ARID1A: variants seen among roughly 807,000 people sequenced by gnomAD.
The protein encoded by ARID1A is AT-rich interaction domain 1A.
Under a neutral mutation model 212.6 loss-of-function variants are expected in ARID1A, and 20 were observed. The observed-to-expected ratio is 0.09, with a 90% confidence interval of 0.07 to 0.14. ARID1A has a LOEUF of 0.14. ARID1A is among the 10% of genes least tolerant of loss of function. The pLI is 1.00. For missense variants in ARID1A, 2,587 were observed against 3,059.0 expected, an observed-to-expected ratio of 0.85 and a Z score of 3.64; for synonymous variants, 1,376 against 1,222.1, an observed-to-expected ratio of 1.13 and a Z score of -2.63.
chr1:26,778,958 G>A (rs2124135899), intron 19 of ARID1A, 65 bp from the exon 20 acceptor site: 2 of 1,456,674 alleles, frequency 1.4e-6, no homozygotes, highest in Non-Finnish European at 1.8e-6. Context: ...GGTCTCTCAA[G>A]TCAATAATTC....
intron 1 of ARID1A, among the ~76,000 whole-genome samples, chr1:26,716,492 G>C (rs1197836912): frequency 6.6e-6 from 1 of 152,136 alleles, no homozygotes. Flanking sequence ...GGGTGGCTTT[G>C]TAGTCTTGAG....
intron 1 of ARID1A, among the ~76,000 whole-genome samples, chr1:26,706,596 A>T (rs1296141469): frequency 1.3e-5 from 2 of 152,146 alleles, no homozygotes; most frequent in Non-Finnish European, 2.9e-5. Flanking sequence ...CACGTGGTAG[A>T]GGGATTAAAG....
chr1:26,701,298 C>A (rs192677172), intron 1 of ARID1A, among the ~76,000 whole-genome samples: 1 of 152,228 alleles, frequency 6.6e-6, no homozygotes, highest in Admixed American at 6.5e-5. Context: ...ATATTGGCAC[C>A]GAGTAGTTCT....
chr1:26,724,783 C>T (rs2080600954), intron 1 of ARID1A, among the ~76,000 whole-genome samples: 1 of 152,118 alleles, frequency 6.6e-6, no homozygotes, highest in Non-Finnish European at 1.5e-5. Flanking sequence ...GGGGAACTCC[C>T]TATGCAAGGG....
rs140995669 is a variant in ARID1A at position 26,702,767 on chromosome 1, C to T, written c.1137+5227C>T. Among the ~76,000 whole-genome samples, 620 of 152,264 alleles carry T rather than the reference C, an allele frequency of 4.1e-3. 4 individuals are homozygous for T. The highest frequency in any genetic ancestry group is 0.01 in the Middle Eastern group (3 of 294). On this transcript the variant is annotated intron_variant, in intron 1 of 19. Coordinates refer to ENST00000324856, the MANE Select transcript of ARID1A (RefSeq NM_006015.6). The stretch of plus-strand genomic sequence containing the variant: ...AAAAAATTGAAATGGAAAGATGCTG[C>T]CCTGGTAGTGAAACCTCTGTGGCCC...
intron 4 of ARID1A, among the ~76,000 whole-genome samples, chr1:26,738,511 C>A (rs1327291946): frequency 3.9e-5 from 6 of 152,128 alleles, no homozygotes; most frequent in Non-Finnish European, 7.4e-5. Flanking sequence ...AATAGATGAA[C>A]CTGAGCAGCA....
chr1:26,763,022 C>T lies in ARID1A; in HGVS notation c.2469C>T (p.Tyr823=), dbSNP rs2081006772. 1.2e-6 allele frequency: 2 copies of T among 1,612,482 alleles called. No individual in the cohort carries two copies. The highest frequency in any genetic ancestry group is 2.2e-5 in the East Asian group (1 of 44,810). ...ATAATGCCTTGCCCAATGCCAACTA[C>T]CCCAGTGCAGGCATGGCTGGAGGCA... ...PNYNALPNAN[Y]PSAGMAGGIN... Residue 823 remains tyrosine, a synonymous_variant, in exon 8 of 20, where the codon TAC becomes TAT. Transcript: ENST00000324856.
intron 4 of ARID1A, among the ~76,000 whole-genome samples, chr1:26,741,865 T>C (rs1355770309): frequency 6.6e-6 from 1 of 152,234 alleles, no homozygotes; most frequent in Non-Finnish European, 1.5e-5. Flanking sequence ...GCTGAGATCT[T>C]GGAATTACAT....
At chr1:26,708,758 G>A (rs962971149) in intron 1 of ARID1A, among the ~76,000 whole-genome samples, 4 of 151,266 alleles carry the variant, frequency 2.6e-5, no homozygotes, top group Admixed American at 6.6e-5. Flanking sequence ...GCAGTGGCGC[G>A]ATCTTGGCCC....
In ARID1A at chr1:26,713,247, C is replaced by G. The variant is rs529998373; in HGVS notation, c.1137+15707C>G. ...TTTTCTCCTTTGATGTCTAACTCTG[C>G]ATTAGTAGAATGCAGAGCACATGGA... On this transcript the variant is annotated intron_variant, in intron 1 of 19. Transcript: ENST00000324856. 2.6e-4 allele frequency among the ~76,000 whole-genome samples: 39 copies of G among 152,122 alleles called. No homozygotes were observed. In the East Asian group the frequency reaches 6.4e-3, roughly 25 times the overall value.
Position 26,773,343 on chromosome 1 carries a change from C to T in ARID1A, c.3716-3C>T, listed in dbSNP as rs530720503. The T allele has an allele frequency of 1.1e-5, 17 of 1,566,996 alleles. No individual in the cohort carries two copies. The South Asian group carries it at 1.7e-4, about 15-fold the overall frequency. ...TGTTCACCGCTTGCCTTTCTACGCT[C>T]AGCTCCAGGGAGTGATCCCTTCATG... On this transcript the variant is annotated splice_polypyrimidine_tract_variant and splice_region_variant and intron_variant, in intron 14 of 19. Coordinates refer to ENST00000324856, the MANE Select transcript of ARID1A (RefSeq NM_006015.6).
chr1:26,766,198 T>C, intron 8 of ARID1A, 23 bp from the exon 9 acceptor site: 2 of 1,609,998 alleles, frequency 1.2e-6, no homozygotes, highest in South Asian at 1.1e-5. Context: ...TTTGTCTCTC[T>C]CACTTTCCAT....
chr1:26,747,727 G>A (rs2080851007), intron 4 of ARID1A, among the ~76,000 whole-genome samples: 1 of 151,682 alleles, frequency 6.6e-6, no homozygotes, highest in Non-Finnish European at 1.5e-5. Flanking sequence ...GTGCATGCCT[G>A]TAGTCCTGGC....
chr1:26,781,368 C>A lies in ARID1A; in HGVS notation c.*612C>A, dbSNP rs2081193114. 1 of 232,856 alleles carries A rather than the reference C, an allele frequency of 4.3e-6. No homozygotes were observed. Among genetic ancestry groups the A allele is most frequent in the Admixed American group, 5.6e-5 (1 of 17,724 alleles). 14.4% of individuals were successfully genotyped at this position (232,856 alleles called of 1,614,324 possible). A position where few individuals can be genotyped will look rare whatever the true frequency, so the allele number is the denominator to read the frequency against. On this transcript the variant is annotated 3_prime_UTR_variant, in exon 20 of 20. Transcript: ENST00000324856. The stretch of plus-strand genomic sequence containing the variant: ...CTGTACACCTGATACTGTAAACATA[C>A]TGTAATAATAATGTCTCACATGGAA...
At chr1:26,703,736 C>A (rs1042095532) in intron 1 of ARID1A, among the ~76,000 whole-genome samples, 6 of 152,196 alleles carry the variant, frequency 3.9e-5, no homozygotes, top group Non-Finnish European at 5.9e-5. Flanking sequence ...TCAGAGAGAT[C>A]AGGAAATTCC....
At chr1:26,721,909 G>C (rs372659669) in intron 1 of ARID1A, among the ~76,000 whole-genome samples, 168 of 152,230 alleles carry the variant, frequency 1.1e-3, no homozygotes, top group African/African-American at 3.9e-3. Context: ...ATTGAGTTTT[G>C]CTACATGATT....
At chr1:26,735,267 A>G (rs1209571953) in intron 4 of ARID1A, among the ~76,000 whole-genome samples, 20 of 151,656 alleles carry the variant, frequency 1.3e-4, no homozygotes, top group African/African-American at 4.6e-4. Context: ...CTGGGTTTAC[A>G]GGTGCTCGCC....
chr1:26,722,955 G>T (rs773895484), intron 1 of ARID1A, among the ~76,000 whole-genome samples: 12 of 152,090 alleles, frequency 7.9e-5, no homozygotes, highest in Non-Finnish European at 1.5e-4. Context: ...GATGAAGGTA[G>T]TCTCCTTATT....
rs966393966 is a variant in ARID1A, at chr1:26,754,784, A to G, written c.1921-6072A>G. ...CCACCACTTGCCAGATGACCTAAGC[A>G]TGTAATCCAATCTCTTTAGGCATCA... On this transcript the variant is annotated intron_variant, in intron 4 of 19. Coordinates refer to ENST00000324856, the MANE Select transcript of ARID1A (RefSeq NM_006015.6). Among the ~76,000 whole-genome samples the G allele has an allele frequency of 2.0e-5, 3 of 152,310 alleles. No homozygotes were observed. In the East Asian group the frequency reaches 5.8e-4, roughly 29 times the overall value.
Sources: allele counts gnomAD v4.1 joint callset (sites outside exome capture counted in the v4.1 genomes callset), GRCh38; gene constraint gnomAD v4.1.1; transcripts MANE v1.5; gene names NCBI Gene and HGNC (gene_info 2026-07-23, HGNC 2026-07-21).